The following OXR1 variants were observed in gnomAD, a reference collection of about 807,000 sequenced individuals.
OXR1 encodes the protein oxidation resistance 1, also known as oxidation resistance protein 1.
A neutral mutation model predicts 104.6 loss-of-function variants in OXR1; 41 were observed. The observed-to-expected ratio is 0.39, with a 90% CI of 0.31 to 0.51. OXR1 has a LOEUF of 0.51. Ranked by LOEUF, OXR1 falls within the 20% of genes least tolerant of loss-of-function variation. The pLI is 0.77. For synonymous variants in OXR1, 348 were observed against 348.4 expected (o/e 1.00, Z 0.01); for missense variants, 955 against 1,031.9 (o/e 0.93, Z 1.02).
chr8:106,438,797 C>T (rs1819676110), intron 2 of OXR1, among the ~76,000 whole-genome samples: 1 of 152,026 alleles, frequency 6.6e-6, no homozygotes, highest in Admixed American at 6.6e-5. Context: ...ATAGCTTGTC[C>T]AATAAGTGTG....
chr8:106,645,654 A>G lies in OXR1; in HGVS notation c.221-33556A>G, dbSNP rs190953293. Reference sequence around the variant, plus strand: ...CATCTAGGTTTGAATTTCTCTTCCTATATGCTGACTGCCTTTGGGCTGATT... The same window carrying G: ...CATCTAGGTTTGAATTTCTCTTCCTGTATGCTGACTGCCTTTGGGCTGATT... On this transcript the variant is annotated intron_variant, in intron 3 of 16. Coordinates refer to ENST00000517566, the MANE Select transcript of OXR1 (RefSeq NM_001198533.2). 6.6e-5 allele frequency among the ~76,000 whole-genome samples: 10 copies of G among 152,232 alleles called. No individual in the cohort carries two copies. In the East Asian group the frequency reaches 1.9e-3, roughly 29 times the overall value.
chr8:106,282,070 T>C (rs1004825268), intron 1 of OXR1, among the ~76,000 whole-genome samples: 8 of 152,186 alleles, frequency 5.3e-5, no homozygotes, highest in African/African-American at 1.9e-4. Context: ...AATCATAGTC[T>C]CCAAGTTTAA....
At chr8:106,383,007 C>G (rs1467669799) in intron 2 of OXR1, among the ~76,000 whole-genome samples, 1 of 149,886 alleles carries the variant, frequency 6.7e-6, no homozygotes, top group Admixed American at 6.6e-5. Flanking sequence ...TTTTTTGTAA[C>G]CCTGGGTGCC....
intron 1 of OXR1, among the ~76,000 whole-genome samples, chr8:106,304,490 T>C (rs768281631): frequency 3.9e-5 from 6 of 152,198 alleles, no homozygotes; most frequent in Non-Finnish European, 5.9e-5. Context: ...ACTAGAAATA[T>C]AATGTGAGCC....
chr8:106,546,809 A>G (rs1815392504), intron 3 of OXR1, among the ~76,000 whole-genome samples: 1 of 152,158 alleles, frequency 6.6e-6, no homozygotes, highest in South Asian at 2.1e-4. Flanking sequence ...TTTCAACTTA[A>G]TTTTCTCCTT....
At chr8:106,370,749 A>G (rs1011078093) in intron 2 of OXR1, among the ~76,000 whole-genome samples, 10 of 152,174 alleles carry the variant, frequency 6.6e-5, no homozygotes, top group African/African-American at 2.2e-4. Flanking sequence ...GATGAACCCA[A>G]CTTGATCATT....
At chr8:106,737,364 A>G (rs979167085) in intron 11 of OXR1, among the ~76,000 whole-genome samples, 156 bp from the exon 12 acceptor site, 3 of 151,392 alleles carry the variant, frequency 2.0e-5, no homozygotes, top group African/African-American at 7.3e-5. Flanking sequence ...AGTTTGATAT[A>G]TAAATCTCTT....
At chr8:106,413,489 A>G (rs1467696423) in intron 2 of OXR1, among the ~76,000 whole-genome samples, 1 of 152,162 alleles carries the variant, frequency 6.6e-6, no homozygotes, top group Non-Finnish European at 1.5e-5. Flanking sequence ...TGATTGCTAA[A>G]CATTTGTTAA....
intron 7 of OXR1, chr8:106,697,530 G>A (rs1830164451): frequency 1.9e-6 from 3 of 1,611,134 alleles, no homozygotes; most frequent in Non-Finnish European, 2.5e-6. Flanking sequence ...TATCCGAGAA[G>A]TTCCGAGGAT....
At chr8:106,666,094 A>G (rs1484082996) in intron 3 of OXR1, among the ~76,000 whole-genome samples, 1 of 152,230 alleles carries the variant, frequency 6.6e-6, no homozygotes, top group African/African-American at 2.4e-5. Context: ...TCAATGGTGT[A>G]GCTCTAAACT....
At chr8:106,722,906 G>A (rs529691200) in intron 11 of OXR1, among the ~76,000 whole-genome samples, 1 of 152,148 alleles carries the variant, frequency 6.6e-6, no homozygotes, top group Non-Finnish European at 1.5e-5. Context: ...TGGCACCCAG[G>A]TTTTATGCCT....
chr8:106,345,975 C>G (rs1815459671), intron 1 of OXR1, among the ~76,000 whole-genome samples: 1 of 152,074 alleles, frequency 6.6e-6, no homozygotes, highest in South Asian at 2.1e-4. Context: ...AAAAAGTTGA[C>G]TTTCAGCTGA....
chr8:106,672,007 A>AATAAT (rs1563689448), intron 3 of OXR1, among the ~76,000 whole-genome samples: 1 of 102,224 alleles, frequency 9.8e-6, no homozygotes. Context: ...ATAATAATAA[A>AATAAT]AGGCTGTGAG....
chr8:106,598,347 T>C (rs1349079678), intron 3 of OXR1, among the ~76,000 whole-genome samples: 2 of 152,242 alleles, frequency 1.3e-5, no homozygotes, highest in Non-Finnish European at 2.9e-5. Flanking sequence ...ACTTCAGTTT[T>C]TCCTGCCAGG....
At chr8:106,614,513 C>T (rs1383168709) in intron 3 of OXR1, among the ~76,000 whole-genome samples, 4 of 152,196 alleles carry the variant, frequency 2.6e-5, no homozygotes, top group Non-Finnish European at 5.9e-5. Flanking sequence ...TTCTTAGCAG[C>T]CCACATCCCA....
intron 1 of OXR1, among the ~76,000 whole-genome samples, chr8:106,341,139 C>T (rs901179088): frequency 6.6e-6 from 1 of 151,960 alleles, no homozygotes; most frequent in Non-Finnish European, 1.5e-5. Flanking sequence ...TCTCTGTCAC[C>T]TCTGTATATA....
chr8:106,504,152 G>A (rs935124806), intron 2 of OXR1, among the ~76,000 whole-genome samples: 1 of 152,200 alleles, frequency 6.6e-6, no homozygotes, highest in Non-Finnish European at 1.5e-5. Flanking sequence ...TTGGGCTAAT[G>A]TTGCAGGAAT....
chr8:106,360,055 A>C (rs185324731), intron 2 of OXR1, among the ~76,000 whole-genome samples: 2 of 152,308 alleles, frequency 1.3e-5, no homozygotes, highest in East Asian at 1.9e-4. Flanking sequence ...TATTTCAACA[A>C]ATCTACCCAG....
intron 2 of OXR1, among the ~76,000 whole-genome samples, chr8:106,439,104 A>G (rs927876248): frequency 6.6e-6 from 1 of 151,970 alleles, no homozygotes. Flanking sequence ...TGTTACTGCT[A>G]TGGACCGAAT....
Sources: allele counts gnomAD v4.1 joint callset (sites outside exome capture counted in the v4.1 genomes callset), GRCh38; gene constraint gnomAD v4.1.1; transcripts MANE v1.5; gene names NCBI Gene and HGNC (gene_info 2026-07-23, HGNC 2026-07-21).